The following TBX15 variants were observed in gnomAD, a reference collection of about 807,000 sequenced individuals.
TBX15 encodes the protein T-box transcription factor 15.
Under a neutral mutation model 53.9 loss-of-function variants are expected in TBX15, and 18 were observed. The observed-to-expected ratio is 0.33, with a 90% confidence interval of 0.23 to 0.49. TBX15 has a LOEUF of 0.49. Ranked by LOEUF, TBX15 falls within the 20% of genes least tolerant of loss-of-function variation. The pLI is 0.98. For synonymous variants in TBX15, 295 were observed against 278.0 expected, an observed-to-expected ratio of 1.06 and a Z score of -0.61; for missense variants, 692 against 749.5, an observed-to-expected ratio of 0.92 and a Z score of 0.90.
rs538235003 is a variant in TBX15, at chr1:118,930,388, C to T, written c.419+1231G>A. Among the ~76,000 whole-genome samples, 18 of 152,208 alleles carry T rather than the reference C, an allele frequency of 1.2e-4. No homozygotes were observed. In the South Asian group the frequency reaches 3.5e-3, roughly 30 times the overall value. ...ATTCCTATATGCTGAAAAGCTTAGT[C>T]CAAATGTATTTATTTATTTATTTGT... On this transcript the variant is annotated intron_variant, in intron 2 of 7. Transcript: ENST00000369429.
At chr1:118,904,339 C>G (rs1654739836) in intron 6 of TBX15, among the ~76,000 whole-genome samples, 2 of 152,126 alleles carry the variant, frequency 1.3e-5, no homozygotes, top group Non-Finnish European at 1.5e-5. Flanking sequence ...ATACTTCTTT[C>G]TCCTTCACTG....
At chr1:118,919,152 T>C (rs1655342426) in intron 5 of TBX15, among the ~76,000 whole-genome samples, 2 of 152,198 alleles carry the variant, frequency 1.3e-5, no homozygotes, top group African/African-American at 4.8e-5. Flanking sequence ...CTGTGTTACC[T>C]GGGAAAACAA....
At chr1:118,940,677 T>C (rs569137475) in intron 1 of TBX15, among the ~76,000 whole-genome samples, 1 of 149,426 alleles carries the variant, frequency 6.7e-6, no homozygotes, top group South Asian at 2.1e-4. Context: ...CAGTAAAGTG[T>C]CAAATTAACA....
intron 1 of TBX15, among the ~76,000 whole-genome samples, chr1:118,974,460 A>AG (rs982763150): frequency 2.0e-5 from 3 of 152,336 alleles, no homozygotes; most frequent in African/African-American, 7.2e-5. Flanking sequence ...AAACAGGGGC[A>AG]GGGGGCTGGA....
At chr1:118,904,695 T>C (rs1295375932) in intron 6 of TBX15, among the ~76,000 whole-genome samples, 1 of 152,186 alleles carries the variant, frequency 6.6e-6, no homozygotes, top group African/African-American at 2.4e-5. Context: ...ATTGACTCAA[T>C]AAGTGTAGTA....
intron 1 of TBX15, among the ~76,000 whole-genome samples, chr1:118,941,034 G>C (rs1656161336): frequency 6.6e-6 from 1 of 152,134 alleles, no homozygotes; most frequent in South Asian, 2.1e-4. Flanking sequence ...TATCAACACA[G>C]GCCCCATCCT....
chr1:118,944,000 A>G (rs112424427), intron 1 of TBX15, among the ~76,000 whole-genome samples: 3 of 152,272 alleles, frequency 2.0e-5, no homozygotes, highest in South Asian at 2.1e-4. Context: ...AAACCCTAAA[A>G]TCAAATGCTT....
Position 118,893,594 on chromosome 1 carries a change from G to GAAA in TBX15, c.1024+5433_1024+5434insTTT, listed in dbSNP as rs1654284937. On this transcript the variant is annotated intron_variant, in intron 7 of 7. Transcript: ENST00000369429. Reference sequence around the variant, plus strand: ...GGAAGGAAAGAAAGAAAGGAAGGAAGGAAGGAAAGAAAGAAAGAAAGAGAG... The same window carrying GAAA: ...GGAAGGAAAGAAAGAAAGGAAGGAAGAAAGAAGGAAAGAAAGAAAGAAAGAGAG... 4.1e-5 allele frequency among the ~76,000 whole-genome samples: 5 copies of GAAA among 121,620 alleles called. 1 individual carries two copies. The highest frequency in any genetic ancestry group is 2.4e-4 in the African/African-American group (5 of 21,174). 79.8% of individuals were successfully genotyped at this position (121,620 alleles called of 152,430 possible). A position where few individuals can be genotyped will look rare whatever the true frequency, so the allele number is the denominator to read the frequency against.
intron 1 of TBX15, among the ~76,000 whole-genome samples, chr1:118,948,058 A>C (rs557272879): frequency 6.6e-6 from 1 of 152,140 alleles, no homozygotes; most frequent in Admixed American, 6.5e-5. Flanking sequence ...AATGGACCCC[A>C]TTTGTTCTTT....
chr1:118,891,305 A>T (rs1571147742), intron 7 of TBX15, among the ~76,000 whole-genome samples: 2 of 152,180 alleles, frequency 1.3e-5, no homozygotes, highest in Non-Finnish European at 2.9e-5. Context: ...TCCGCTTCTT[A>T]GATGGTCCTA....
intron 1 of TBX15, among the ~76,000 whole-genome samples, chr1:118,986,978 A>G (rs146520793): frequency 2.0e-5 from 3 of 152,336 alleles, no homozygotes; most frequent in East Asian, 1.9e-4. Context: ...ACACAAATCA[A>G]TCGTACCCAC....
chr1:118,987,948 C>T lies in TBX15; in HGVS notation c.-153G>A, dbSNP rs1657900316. The stretch of plus-strand genomic sequence containing the variant: ...GCGGCTCGCGGGTCTCTCCACCCTC[C>T]CCCTGCGTCCTCCTCCGCCCTCCTC... On this transcript the variant is annotated 5_prime_UTR_variant, in exon 1 of 8. Coordinates refer to ENST00000369429, the MANE Select transcript of TBX15 (RefSeq NM_001330677.2). The T allele has an allele frequency of 3.4e-6, 3 of 892,542 alleles. No individual in the cohort carries two copies. Among genetic ancestry groups the T allele is most frequent in the Non-Finnish European group, 5.0e-6 (3 of 597,472 alleles). 55.3% of individuals were successfully genotyped at this position (892,542 alleles called of 1,614,324 possible).
chr1:118,928,967 C>T (rs994806219), intron 2 of TBX15, among the ~76,000 whole-genome samples: 5 of 152,314 alleles, frequency 3.3e-5, no homozygotes, highest in African/African-American at 9.6e-5. Context: ...TTAAAAACTT[C>T]GCAAGCCTTT....
At chr1:118,983,763 G>A (rs1657723451) in intron 1 of TBX15, among the ~76,000 whole-genome samples, 1 of 152,168 alleles carries the variant, frequency 6.6e-6, no homozygotes, top group Non-Finnish European at 1.5e-5. Flanking sequence ...CTCAACCCCA[G>A]CAGACCCTCC....
intron 1 of TBX15, among the ~76,000 whole-genome samples, chr1:118,946,606 G>T (rs1036197255): frequency 2.0e-5 from 3 of 152,100 alleles, no homozygotes; most frequent in Non-Finnish European, 2.9e-5. Context: ...ATTACTAATG[G>T]TGCATCTTAA....
chr1:118,989,399 C>T (rs1204263937), upstream of TBX15: 4 of 152,222 alleles, frequency 2.6e-5, no homozygotes, highest in South Asian at 2.1e-4. Context: ...AGGAGACCCC[C>T]GAGTGCAGAG....
rs114211263 is a variant in TBX15 at position 118,932,997 on chromosome 1, G to A, written c.206-1165C>T. Among the ~76,000 whole-genome samples the A allele has an allele frequency of 4.4e-4, 67 of 152,222 alleles. 1 individual carries two copies. The highest frequency in any genetic ancestry group is 1.5e-3 in the African/African-American group (64 of 41,532). On this transcript the variant is annotated intron_variant, in intron 1 of 7. Coordinates refer to ENST00000369429, the MANE Select transcript of TBX15 (RefSeq NM_001330677.2). ...AAACAAGTGTTGTACTCTGATGAGTGACTTTTCAATGGTGTCAAGGGTCAG... is the reference window on the plus strand; with the variant it reads ...AAACAAGTGTTGTACTCTGATGAGTAACTTTTCAATGGTGTCAAGGGTCAG...
chr1:118,883,827 C>A lies in TBX15; in HGVS notation c.*905G>T, dbSNP rs1359950243. 7.1e-6 allele frequency: 1 copy of A among 141,300 alleles called. No individual in the cohort carries two copies. The highest frequency in any genetic ancestry group is 1.6e-5 in the Non-Finnish European group (1 of 64,498). 8.8% of individuals were successfully genotyped at this position (141,300 alleles called of 1,614,324 possible). A position where few individuals can be genotyped will look rare whatever the true frequency, so the allele number is the denominator to read the frequency against. ...GTAATGCCATGATTCTTTCCATAACCTGTAGTGGGGCGGGCGGGGTTTGGG... is the reference window on the plus strand; with the variant it reads ...GTAATGCCATGATTCTTTCCATAACATGTAGTGGGGCGGGCGGGGTTTGGG... On this transcript the variant is annotated 3_prime_UTR_variant, in exon 8 of 8. Transcript: ENST00000369429.
At chr1:118,910,688 A>T (rs1443238730) in intron 6 of TBX15, among the ~76,000 whole-genome samples, 1 of 152,246 alleles carries the variant, frequency 6.6e-6, no homozygotes, top group Admixed American at 6.5e-5. Flanking sequence ...GGGTCCCCTT[A>T]CTTGCCGTAG....
Sources: allele counts gnomAD v4.1 joint callset (sites outside exome capture counted in the v4.1 genomes callset), GRCh38; gene constraint gnomAD v4.1.1; transcripts MANE v1.5; gene names NCBI Gene and HGNC (gene_info 2026-07-23, HGNC 2026-07-21).